Variants in ZNF254 observed in about 807,000 individuals in gnomAD.
ZNF254 encodes the protein zinc finger protein 254, also known as CTD-2017D11.1.
In ZNF254, 10 loss-of-function variants were observed where a neutral mutation model predicts 12.4. That is an observed-to-expected ratio of 0.80 (90% confidence interval 0.50 to 1.36). ZNF254 has a LOEUF of 1.36. Among genes scored for constraint, ZNF254 ranks in the 40% most tolerant of loss-of-function variants. The pLI is 0.00. For synonymous variants in ZNF254, 305 were observed against 253.4 expected, an observed-to-expected ratio of 1.20 and a Z score of -1.93; for missense variants, 996 against 763.9, an observed-to-expected ratio of 1.30 and a Z score of -3.58.
intron 1 of ZNF254, among the ~76,000 whole-genome samples, chr19:24,097,451 T>C (rs969583363): frequency 1.3e-5 from 2 of 152,092 alleles, no homozygotes; most frequent in African/African-American, 4.8e-5. Context: ...TGGTGATCGT[T>C]TGCAGGCTGA....
chr19:24,082,495 A>T (rs1185189186), upstream of ZNF254, among the ~76,000 whole-genome samples: 3 of 123,114 alleles, frequency 2.4e-5, no homozygotes, highest in Non-Finnish European at 4.9e-5. Flanking sequence ...AAAAAAAAAA[A>T]AAAAATTAGC....
In ZNF254 at chr19:24,116,382, G is replaced by A. The variant is rs931918566; in HGVS notation, c.253+9739G>A. ...TCACATAGTCCCATATTTCTTGGAG[G>A]CTTTTTTCAATTCTTTTTATTCTTT... On this transcript the variant is annotated intron_variant, in intron 3 of 3. Transcript: ENST00000357002. Among the ~76,000 whole-genome samples, 45 of 151,998 alleles carry A rather than the reference G, an allele frequency of 3.0e-4. 1 individual carries two copies. The highest frequency in any genetic ancestry group is 1.0e-4 in the Non-Finnish European group (7 of 67,998).
intron 2 of ZNF254, among the ~76,000 whole-genome samples, chr19:24,081,070 CCTT>C (rs1368340645): frequency 2.9e-5 from 4 of 135,990 alleles, no homozygotes; most frequent in Admixed American, 7.1e-5. Context: ...GAGTGAGACT[CCTT>C]CTCAAAAAAA....
rs781611861 is a variant in ZNF254, at chr19:24,078,121, C to CT, written c.-93-27819_-93-27818insT. Among the ~76,000 whole-genome samples the CT allele has an allele frequency of 9.4e-4, 143 of 152,240 alleles. 1 individual carries two copies. Among genetic ancestry groups the CT allele is most frequent in the African/African-American group, 3.3e-3 (139 of 41,560 alleles). ...TGGCATGATCTTGGCATGCTGCAAC[C>CT]CTGCCTCTTGAGTTCAAGTGATTCT... On this transcript the variant is annotated intron_variant, in intron 2 of 4. Coordinates refer to the ZNF254 transcript ENST00000613065.
intron 1 of ZNF254, among the ~76,000 whole-genome samples, chr19:24,102,109 G>A (rs1973065534): frequency 6.6e-6 from 1 of 152,158 alleles, no homozygotes; most frequent in Admixed American, 6.5e-5. Context: ...ATTTAATTAT[G>A]CATCATATGG....
chr19:24,101,460 T>C (rs896477878), intron 1 of ZNF254, among the ~76,000 whole-genome samples: 2 of 152,236 alleles, frequency 1.3e-5, no homozygotes, highest in Non-Finnish European at 2.9e-5. Context: ...GCTACAGTTA[T>C]GTGAGAGGCT....
At position 24,046,846 on chromosome 19, in the gene ZNF254, T is replaced by C. The variant is rs376887611; in HGVS notation, c.-94+567T>C. On this transcript the variant is annotated intron_variant, in intron 2 of 4. Transcript: ENST00000613065. ...TCTCCTTTTTTAGGTTCTATTTTTT[T>C]CATCTTTCATCTTTCCTTTTTTTTT... 2.0e-5 allele frequency among the ~76,000 whole-genome samples: 3 copies of C among 151,672 alleles called. No homozygotes were observed. In the East Asian group the frequency reaches 5.8e-4, roughly 29 times the overall value.
At chr19:24,034,100 T>A (rs1969867118) in intron 1 of ZNF254, among the ~76,000 whole-genome samples, 1 of 152,092 alleles carries the variant, frequency 6.6e-6, no homozygotes, top group African/African-American at 2.4e-5. Context: ...TGGGATTACA[T>A]ACCTGCGCCA....
intron 3 of ZNF254, among the ~76,000 whole-genome samples, chr19:24,120,028 A>G (rs1348633648): frequency 6.6e-6 from 1 of 152,070 alleles, no homozygotes. Context: ...CATACCTGAG[A>G]CTGGGCAATT....
chr19:24,096,809 T>G (rs1206559252), intron 1 of ZNF254, among the ~76,000 whole-genome samples: 1 of 152,226 alleles, frequency 6.6e-6, no homozygotes, highest in Admixed American at 6.5e-5. Flanking sequence ...TATAGATCTC[T>G]AAGAACTTGC....
rs144178660 is a variant in ZNF254, at chr19:24,115,783, T to G, written c.253+9140T>G. Among the ~76,000 whole-genome samples, 347 of 152,290 alleles carry G rather than the reference T, an allele frequency of 2.3e-3. 2 individuals are homozygous for G. Among genetic ancestry groups the G allele is most frequent in the African/African-American group, 8.0e-3 (331 of 41,576 alleles). On this transcript the variant is annotated intron_variant, in intron 3 of 3. Transcript: ENST00000357002. ...TGCTCGTTAGTTGATGCAGTGTCTT[T>G]CTAGCCTCGACGGTTTCTACAATTT... is the stretch of plus-strand genomic sequence containing the variant.
At chr19:24,060,331 A>T (rs1396811531) in intron 2 of ZNF254, among the ~76,000 whole-genome samples, 1 of 152,168 alleles carries the variant, frequency 6.6e-6, no homozygotes, top group African/African-American at 2.4e-5. Context: ...CCTCTTCTTC[A>T]CAGATTCTGC....
At chr19:24,125,990 C>G (rs1474013947) in intron 3 of ZNF254, among the ~76,000 whole-genome samples, 2 of 152,140 alleles carry the variant, frequency 1.3e-5, no homozygotes, top group Admixed American at 1.3e-4. Flanking sequence ...ATTTAACAGA[C>G]TTTTCTTTTT....
chr19:24,088,110 G>A (rs775918058), intron 1 of ZNF254, among the ~76,000 whole-genome samples: 2 of 151,946 alleles, frequency 1.3e-5, no homozygotes, highest in Non-Finnish European at 2.9e-5. Context: ...GTTTTACCAT[G>A]TTGGCCAGGC....
intron 3 of ZNF254, among the ~76,000 whole-genome samples, chr19:24,116,609 C>T (rs1974094724): frequency 7.8e-6 from 1 of 128,632 alleles, no homozygotes; most frequent in African/African-American, 3.7e-5. Flanking sequence ...AAATTTTTTT[C>T]AAAGTTTTTA....
At chr19:24,048,699 G>GT (rs140079598) in intron 2 of ZNF254, among the ~76,000 whole-genome samples, 24,023 of 151,212 alleles carry the variant, frequency 0.16, 2,073 homozygotes, top group Middle Eastern at 0.23. Flanking sequence ...TGTTTTTTGG[G>GT]TTTTTTTTCC....
In ZNF254 at chr19:24,127,921, C is replaced by G; in HGVS notation, c.1921C>G (p.Arg641Gly). Residue 641 changes from arginine (R) to glycine (G), a missense_variant, in exon 4 of 4, where the codon CGG (arginine) becomes GGG (glycine). Coordinates refer to ENST00000357002, the MANE Select transcript of ZNF254 (RefSeq NM_203282.4). ...KWEKFGKAFN[R>G]SSHLTTDKIT... ...GGAAAAATTTGGCAAAGCCTTTAATCGGTCCTCGCACCTCACCACAGATAA... is the reference window on the plus strand; with the variant it reads ...GGAAAAATTTGGCAAAGCCTTTAATGGGTCCTCGCACCTCACCACAGATAA... 1.9e-6 allele frequency: 3 copies of G among 1,608,618 alleles called. No individual in the cohort carries two copies. The highest frequency in any genetic ancestry group is 2.5e-6 in the Non-Finnish European group (3 of 1,177,534).
intron 3 of ZNF254, among the ~76,000 whole-genome samples, chr19:24,121,315 G>T (rs530810373): frequency 6.6e-6 from 1 of 151,490 alleles, no homozygotes; most frequent in East Asian, 1.9e-4. Context: ...TGTCTAATAA[G>T]TTTTACATTC....
chr19:24,097,377 G>T (rs1210590657), intron 1 of ZNF254, among the ~76,000 whole-genome samples: 3 of 152,060 alleles, frequency 2.0e-5, no homozygotes, highest in Admixed American at 1.3e-4. Flanking sequence ...GTGATCGTTT[G>T]CAGGCTGAAT....
Sources: gnomAD v4.1 joint callset for allele counts (sites outside exome capture counted in the v4.1 genomes callset) on GRCh38, gnomAD v4.1.1 for gene constraint, MANE v1.5 for transcripts, NCBI Gene and HGNC (gene_info 2026-07-23, HGNC 2026-07-21) for gene names.